The following AEBP2 variants were observed in gnomAD, a reference collection of about 807,000 sequenced individuals.
AEBP2 encodes AE binding protein 2.
A neutral mutation model predicts 50.8 loss-of-function variants in AEBP2; 10 were observed. The ratio of observed to expected loss-of-function variants is 0.20; its 90% confidence interval spans 0.12 to 0.33. The LOEUF is 0.33. Ranked by LOEUF, AEBP2 falls within the 10% of genes least tolerant of loss-of-function variation. The probability of loss-of-function intolerance (pLI) is 1.00; values close to 1 mark genes in which losing one functional copy is unlikely to be tolerated. For synonymous variants in AEBP2, 296 were observed against 261.3 expected, an observed-to-expected ratio of 1.13 and a Z score of -1.28; for missense variants, 570 against 688.0, an observed-to-expected ratio of 0.83 and a Z score of 1.92.
At chr12:19,498,648 T>C (rs1271701072) in intron 4 of AEBP2, among the ~76,000 whole-genome samples, 2 of 152,300 alleles carry the variant, frequency 1.3e-5, no homozygotes, top group East Asian at 3.9e-4. Context: ...CTTGAAAAAT[T>C]ACATGTATTA....
At chr12:19,484,522 C>G (rs1196533153) in intron 3 of AEBP2, among the ~76,000 whole-genome samples, 1 of 151,398 alleles carries the variant, frequency 6.6e-6, no homozygotes, top group Non-Finnish European at 1.5e-5. Flanking sequence ...CTACAGGTAC[C>G]CACCACCACG....
rs1338860572 is a variant in AEBP2 at position 19,439,698 on chromosome 12, CCATGGCCGCCGCTATCACCGA to C, written c.8_28del (p.AlaAlaIleThrAspMetAla3_?9). On this transcript the variant is annotated start_lost and 5_prime_UTR_variant, in exon 1 of 8. Coordinates refer to ENST00000266508, the MANE Select transcript of AEBP2 (RefSeq NM_153207.5). The stretch of plus-strand genomic sequence containing the variant: ...GGAGGAGGAGGAGGAGCAGGCGCCG[CCATGGCCGCCGCTATCACCGA>C]CATGGCCGACCTGGAGGAGCTCTCC... The C allele has an allele frequency of 6.6e-7, 1 of 1,511,942 alleles. No individual in the cohort carries two copies. Among genetic ancestry groups the C allele is most frequent in the Non-Finnish European group, 8.8e-7 (1 of 1,137,094 alleles). The allele number at this position is 1,511,942 out of a possible 1,614,324, so 93.7% of individuals were successfully genotyped here. A position where few individuals can be genotyped will look rare whatever the true frequency, so the allele number is the denominator to read the frequency against.
At chr12:19,431,682 T>G (rs1423441511) in intron 1 of AEBP2, among the ~76,000 whole-genome samples, 2 of 152,186 alleles carry the variant, frequency 1.3e-5, no homozygotes, top group Admixed American at 1.3e-4. Flanking sequence ...TTGGTCATGT[T>G]TTGGTTGGAT....
At chr12:19,485,948 C>CT (rs60355570) in intron 3 of AEBP2, among the ~76,000 whole-genome samples, 9,300 of 91,036 alleles carry the variant, frequency 0.1, 495 homozygotes, top group South Asian at 0.16. Context: ...TGAGCCTCTG[C>CT]TTTTTTTTTT....
intron 1 of AEBP2, among the ~76,000 whole-genome samples, chr12:19,459,862 C>A (rs1219762006): frequency 6.6e-6 from 1 of 152,098 alleles, no homozygotes; most frequent in Non-Finnish European, 1.5e-5. Context: ...ACAAAAATAT[C>A]TTTGCTTTTA....
intron 2 of AEBP2, among the ~76,000 whole-genome samples, chr12:19,472,837 T>C (rs1948591140): frequency 6.6e-6 from 1 of 152,086 alleles, no homozygotes; most frequent in Non-Finnish European, 1.5e-5. Flanking sequence ...TTTATACCTT[T>C]AAAAAGGTAT....
At chr12:19,491,170 C>T (rs1437730309) in intron 3 of AEBP2, among the ~76,000 whole-genome samples, 5 of 152,042 alleles carry the variant, frequency 3.3e-5, no homozygotes, top group Non-Finnish European at 5.9e-5. Context: ...CTTTAAAAAG[C>T]GTTATTATTT....
At chr12:19,433,027 C>A (rs553503068) in intron 1 of AEBP2, among the ~76,000 whole-genome samples, 23 of 152,096 alleles carry the variant, frequency 1.5e-4, no homozygotes, top group African/African-American at 5.5e-4. Context: ...CACACGTTCA[C>A]CAAGCTGGAA....
intron 1 of AEBP2, among the ~76,000 whole-genome samples, chr12:19,444,864 T>G (rs1280836718): frequency 6.6e-6 from 1 of 152,196 alleles, no homozygotes; most frequent in Non-Finnish European, 1.5e-5. Context: ...TAGCATTAAA[T>G]TGAGAATACC....
At chr12:19,475,561 A>C (rs576863179) in intron 3 of AEBP2, among the ~76,000 whole-genome samples, 1 of 152,244 alleles carries the variant, frequency 6.6e-6, no homozygotes, top group African/African-American at 2.4e-5. Flanking sequence ...TTTTCCCAGT[A>C]GTCATTCATA....
chr12:19,470,306 T>G (rs1158143236), intron 2 of AEBP2, among the ~76,000 whole-genome samples: 1 of 152,108 alleles, frequency 6.6e-6, no homozygotes, highest in Non-Finnish European at 1.5e-5. Flanking sequence ...TACAGGCATG[T>G]GCCACCACAC....
intron 2 of AEBP2, among the ~76,000 whole-genome samples, chr12:19,466,432 CAG>C (rs1192229517): frequency 2.0e-5 from 3 of 152,088 alleles, no homozygotes; most frequent in African/African-American, 4.8e-5. Context: ...GCCTGGATGA[CAG>C]AGTGAGATCC....
rs763555826 is a variant in AEBP2, at chr12:19,514,668, T to C, written c.1368-3T>C. The C allele has an allele frequency of 2.5e-6, 4 of 1,588,252 alleles. No individual in the cohort carries two copies. The highest frequency in any genetic ancestry group is 1.2e-5 in the South Asian group (1 of 86,218). On this transcript the variant is annotated splice_region_variant and splice_polypyrimidine_tract_variant and intron_variant, in intron 6 of 7. Coordinates refer to ENST00000266508, the MANE Select transcript of AEBP2 (RefSeq NM_153207.5). ...TATTATTGACTTGTTTTTTAATTCA[T>C]AGTCTGCCTGATGTGTGGGTGAATG... is the stretch of plus-strand genomic sequence containing the variant.
intron 3 of AEBP2, among the ~76,000 whole-genome samples, chr12:19,485,778 C>T (rs1375629957): frequency 6.7e-6 from 1 of 150,340 alleles, no homozygotes. Context: ...TTATACAGAT[C>T]TAAAGAAACT....
chr12:19,433,684 G>A (rs144041562), intron 1 of AEBP2, among the ~76,000 whole-genome samples: 7,227 of 151,722 alleles, frequency 0.048, 383 homozygotes, highest in Admixed American at 0.15. Context: ...GGAGGCTGAG[G>A]CAGGAGAATC....
chr12:19,428,702 A>G (rs11044554), intron 1 of AEBP2, among the ~76,000 whole-genome samples: 58,503 of 152,002 alleles, frequency 0.38, 12,463 homozygotes, highest in Non-Finnish European at 0.5. Context: ...AGTTCCAGCT[A>G]CTTGGGAGGG....
chr12:19,448,658 A>C (rs915082248), intron 1 of AEBP2, among the ~76,000 whole-genome samples: 4 of 152,140 alleles, frequency 2.6e-5, no homozygotes, highest in Non-Finnish European at 4.4e-5. Context: ...GGCTGATTAA[A>C]GAAAAAGAGA....
chr12:19,468,124 CTTTGTGTG>C (rs2153371309), intron 2 of AEBP2, among the ~76,000 whole-genome samples: 1 of 41,476 alleles, frequency 2.4e-5, no homozygotes, highest in South Asian at 6.9e-4. Context: ...CTCTGCCTGA[CTTTGTGTG>C]TGTGTGTGTG....
At chr12:19,419,750 C>T (rs140136241) in intron 1 of AEBP2, among the ~76,000 whole-genome samples, 4,098 of 151,764 alleles carry the variant, frequency 0.027, 205 homozygotes, top group Admixed American at 0.13. Flanking sequence ...GCCAACATGG[C>T]GAAACCCTGT....
Sources: gnomAD v4.1 joint callset for allele counts (sites outside exome capture counted in the v4.1 genomes callset) on GRCh38, gnomAD v4.1.1 for gene constraint, MANE v1.5 for transcripts, NCBI Gene and HGNC (gene_info 2026-07-23, HGNC 2026-07-21) for gene names.